The following SHISA6 variants were observed in gnomAD, a reference collection of about 807,000 sequenced individuals.
The protein encoded by SHISA6 is shisa family member 6.
In SHISA6, 22 loss-of-function variants were observed where a neutral mutation model predicts 47.9. The observed-to-expected ratio is 0.46, with a 90% confidence interval of 0.33 to 0.66. The LOEUF (loss-of-function observed/expected upper bound fraction) is 0.66, where lower values mean the gene tolerates loss of function less well. Among genes scored for constraint, SHISA6 ranks in the 30% least tolerant of loss-of-function variants. SHISA6 has a pLI of 0.02. For missense variants in SHISA6, 680 were observed against 764.6 expected (o/e 0.89, Z 1.30); for synonymous variants, 388 against 337.8 (o/e 1.15, Z -1.63).
chr17:11,367,544 T>A (rs1286537785), intron 2 of SHISA6, among the ~76,000 whole-genome samples: 2 of 152,102 alleles, frequency 1.3e-5, no homozygotes, highest in African/African-American at 4.8e-5. Flanking sequence ...TCCCAAGAGG[T>A]GAGGGGCCCT....
At chr17:11,349,966 G>A (rs1366218054) in intron 2 of SHISA6, among the ~76,000 whole-genome samples, 1 of 151,996 alleles carries the variant, frequency 6.6e-6, no homozygotes, top group Non-Finnish European at 1.5e-5. Flanking sequence ...GGAGAGTGCA[G>A]AAACATCCTC....
At chr17:11,441,402 G>A (rs1915089519) in intron 3 of SHISA6, among the ~76,000 whole-genome samples, 1 of 152,194 alleles carries the variant, frequency 6.6e-6, no homozygotes, top group Non-Finnish European at 1.5e-5. Context: ...TTAGCATAAG[G>A]AAGGTGTGAA....
At chr17:11,316,401 C>G (rs1331618225) in intron 2 of SHISA6, among the ~76,000 whole-genome samples, 1 of 85,302 alleles carries the variant, frequency 1.2e-5, no homozygotes, top group Non-Finnish European at 2.1e-5. Flanking sequence ...CTCTCTGTCT[C>G]TCTCTCTCTC....
Position 11,558,649 on chromosome 17 carries a change from G to A in SHISA6, c.*345G>A, listed in dbSNP as rs1433146208. 2.8e-6 allele frequency: 1 copy of A among 352,572 alleles called. No homozygotes were observed. Among genetic ancestry groups the A allele is most frequent in the Non-Finnish European group, 5.3e-6 (1 of 189,154 alleles). The allele number at this position is 352,572 out of a possible 1,614,324, so 21.8% of individuals were successfully genotyped here. Reference sequence around the variant, plus strand: ...CCCCATCCGGGGGACTCAGCTGCAGGTTCTGTCAGCAGAGAGACCCTTGCT... The same window carrying A: ...CCCCATCCGGGGGACTCAGCTGCAGATTCTGTCAGCAGAGAGACCCTTGCT... On this transcript the variant is annotated 3_prime_UTR_variant, in exon 6 of 6. Transcript: ENST00000441885.
At chr17:11,423,362 GATAGATAT>G (rs1454185962) in intron 3 of SHISA6, among the ~76,000 whole-genome samples, 18 of 118,392 alleles carry the variant, frequency 1.5e-4, no homozygotes, top group African/African-American at 3.6e-4. Context: ...TAGATAGATA[GATAGATAT>G]ATGCATGCCT....
intron 3 of SHISA6, among the ~76,000 whole-genome samples, chr17:11,525,504 A>C (rs776191479): frequency 1.9e-4 from 29 of 151,752 alleles, no homozygotes; most frequent in Admixed American, 4.6e-4. Context: ...GTGGTGGCAC[A>C]TGCCTGTAGT....
intron 2 of SHISA6, among the ~76,000 whole-genome samples, chr17:11,328,115 T>C (rs939866493): frequency 3.3e-5 from 5 of 152,224 alleles, no homozygotes; most frequent in Admixed American, 2.0e-4. Context: ...AATTTCTTCA[T>C]CTATCAAATG....
chr17:11,558,944 G>A lies in SHISA6; in HGVS notation c.*640G>A, dbSNP rs1597587451. The A allele has an allele frequency of 6.5e-6, 1 of 153,144 alleles. No individual in the cohort carries two copies. The highest frequency in any genetic ancestry group is 2.4e-5 in the African/African-American group (1 of 41,428). The allele number at this position is 153,144 out of a possible 1,614,324, so 9.5% of individuals were successfully genotyped here. A position where few individuals can be genotyped will look rare whatever the true frequency, so the allele number is the denominator to read the frequency against. ...CCCCTGAGGGCCCAACCCTGGCCCTGTGCCCCTCCCCTCAACTCCAGGACC... is the reference window on the plus strand; with the variant it reads ...CCCCTGAGGGCCCAACCCTGGCCCTATGCCCCTCCCCTCAACTCCAGGACC... On this transcript the variant is annotated 3_prime_UTR_variant, in exon 6 of 6. Transcript: ENST00000441885.
chr17:11,526,927 ATATATATAT>A (rs2071691298), intron 3 of SHISA6, among the ~76,000 whole-genome samples: 3 of 25,124 alleles, frequency 1.2e-4, no homozygotes, highest in African/African-American at 5.5e-4. Flanking sequence ...ATATATATAT[ATATATATAT>A]TATAATGATC....
intron 3 of SHISA6, among the ~76,000 whole-genome samples, chr17:11,487,485 C>T (rs995074796): frequency 2.0e-5 from 3 of 152,176 alleles, no homozygotes; most frequent in African/African-American, 7.2e-5. Context: ...AAGAGTCAGA[C>T]CTGCTGCAGT....
At chr17:11,297,438 T>C (rs992210160) in intron 2 of SHISA6, among the ~76,000 whole-genome samples, 2 of 152,148 alleles carry the variant, frequency 1.3e-5, no homozygotes, top group Admixed American at 1.3e-4. Flanking sequence ...TTCATACAGC[T>C]TGTTCCTCCA....
chr17:11,269,226 G>T (rs891375740), intron 2 of SHISA6, among the ~76,000 whole-genome samples: 1 of 152,078 alleles, frequency 6.6e-6, no homozygotes, highest in Non-Finnish European at 1.5e-5. Flanking sequence ...ATTTTTAGTA[G>T]AGACGAAGTT....
At chr17:11,533,412 T>G (rs2071754415) in intron 3 of SHISA6, among the ~76,000 whole-genome samples, 1 of 152,088 alleles carries the variant, frequency 6.6e-6, no homozygotes, top group Admixed American at 6.6e-5. Flanking sequence ...CCGTCTCTCA[T>G]CTGCACTCCT....
chr17:11,351,737 G>A (rs1223748935), intron 2 of SHISA6, among the ~76,000 whole-genome samples: 2 of 152,190 alleles, frequency 1.3e-5, no homozygotes, highest in Non-Finnish European at 2.9e-5. Flanking sequence ...TGTAGCTCAA[G>A]GGATGCTTTT....
intron 3 of SHISA6, among the ~76,000 whole-genome samples, chr17:11,529,724 T>A (rs573393508): frequency 9.3e-4 from 141 of 152,246 alleles, no homozygotes; most frequent in Middle Eastern, 3.4e-3. Flanking sequence ...GTCAAAAAAT[T>A]AAATGATAAG....
chr17:11,353,464 A>G (rs910968150), intron 2 of SHISA6, among the ~76,000 whole-genome samples: 1 of 151,932 alleles, frequency 6.6e-6, no homozygotes, highest in African/African-American at 2.4e-5. Context: ...TAAAAAAAAA[A>G]AAAAAAGGGT....
At chr17:11,444,795 G>C (rs1474153469) in intron 3 of SHISA6, among the ~76,000 whole-genome samples, 1 of 152,068 alleles carries the variant, frequency 6.6e-6, no homozygotes, top group African/African-American at 2.4e-5. Context: ...CAGAATGATT[G>C]ACAATTGGTA....
intron 3 of SHISA6, among the ~76,000 whole-genome samples, chr17:11,419,530 T>C (rs1440462988): frequency 6.6e-6 from 1 of 152,160 alleles, no homozygotes; most frequent in Non-Finnish European, 1.5e-5. Context: ...TTACGTTGAG[T>C]GAACCGTTAG....
intron 2 of SHISA6, among the ~76,000 whole-genome samples, chr17:11,320,346 G>T (rs757681726): frequency 7.2e-5 from 11 of 152,036 alleles, no homozygotes; most frequent in Non-Finnish European, 1.3e-4. Context: ...TGTGCATGGG[G>T]GGTGGGGCTG....
Sources: gnomAD v4.1 joint callset for allele counts (sites outside exome capture counted in the v4.1 genomes callset) on GRCh38, gnomAD v4.1.1 for gene constraint, MANE v1.5 for transcripts, NCBI Gene and HGNC (gene_info 2026-07-23, HGNC 2026-07-21) for gene names.